DAPK1: variants seen among roughly 807,000 people sequenced by gnomAD.
The protein encoded by DAPK1 is death-associated protein kinase 1.
A neutral mutation model predicts 144.9 loss-of-function variants in DAPK1; 56 were observed. The ratio of observed to expected loss-of-function variants is 0.39; its 90% CI spans 0.31 to 0.48. DAPK1 has a LOEUF of 0.48. DAPK1 is among the 20% of genes least tolerant of loss of function. The pLI, the probability that DAPK1 is intolerant of heterozygous loss-of-function variation, is 0.95. For missense variants in DAPK1, 1,454 were observed against 1,875.4 expected, an observed-to-expected ratio of 0.78 and a Z score of 4.15; for synonymous variants, 690 against 749.0, an observed-to-expected ratio of 0.92 and a Z score of 1.29.
rs547945641 is a variant in DAPK1 at position 87,658,110 on chromosome 9, G to C, written c.1906G>C (p.Val636Leu). Residue 636 changes from valine to leucine, a missense_variant, in exon 18 of 26, where the codon GTT becomes CTT. Val to Leu is a conservative substitution (Grantham distance 32, BLOSUM62 1). Around this residue, in one of 2 missense-constraint regions of DAPK1, gnomAD observed 1,025 missense variants for 1,237.9 expected, o/e 0.83. Transcript: ENST00000408954. ...GTATCTCTGTCTGATGGGAGCCAGC[G>C]TTGAGGCGCTGACCACGGTGAGTGC... ...VRYLCLMGASVEALTTDGKTA... is the reference protein window; with the variant it reads ...VRYLCLMGASLEALTTDGKTA... 1 of 1,463,092 alleles carries C rather than the reference G, an allele frequency of 6.8e-7. No homozygotes were observed. The highest frequency in any genetic ancestry group is 1.1e-5 in the South Asian group (1 of 87,184). 90.6% of individuals were successfully genotyped at this position (1,463,092 alleles called of 1,614,324 possible). A position where few individuals can be genotyped will look rare whatever the true frequency, so the allele number is the denominator to read the frequency against.
chr9:87,583,767 T>C (rs1488622016), intron 2 of DAPK1, among the ~76,000 whole-genome samples: 3 of 152,230 alleles, frequency 2.0e-5, no homozygotes, highest in African/African-American at 7.2e-5. Flanking sequence ...TCCTTGCCAC[T>C]GACTAGTCCA....
At chr9:87,601,829 C>G (rs1024172519) in intron 2 of DAPK1, among the ~76,000 whole-genome samples, 1 of 152,134 alleles carries the variant, frequency 6.6e-6, no homozygotes, top group East Asian at 1.9e-4. Flanking sequence ...GGCTTCTAGC[C>G]GTTACACAAT....
intron 2 of DAPK1, among the ~76,000 whole-genome samples, chr9:87,504,561 A>G (rs1478095515): frequency 6.6e-6 from 1 of 152,190 alleles, no homozygotes; most frequent in Non-Finnish European, 1.5e-5. Flanking sequence ...CTCCCCGGCC[A>G]ATGAGGAAAC....
intron 2 of DAPK1, among the ~76,000 whole-genome samples, chr9:87,521,305 C>A (rs931350465): frequency 6.6e-6 from 1 of 152,220 alleles, no homozygotes; most frequent in Non-Finnish European, 1.5e-5. Context: ...GAGCACATCA[C>A]TAGCTCCATT....
At chr9:87,569,836 C>T (rs190789836) in intron 2 of DAPK1, among the ~76,000 whole-genome samples, 1 of 152,310 alleles carries the variant, frequency 6.6e-6, no homozygotes, top group East Asian at 1.9e-4. Flanking sequence ...TATTTGTCCT[C>T]TTCCTTTATT....
chr9:87,540,183 C>CTTTTTTTTTTTT (rs33925780), intron 2 of DAPK1, among the ~76,000 whole-genome samples: 1 of 66,128 alleles, frequency 1.5e-5, no homozygotes, highest in African/African-American at 5.8e-5. Flanking sequence ...TTGTTAATCT[C>CTTTTTTTTTTTT]TTTTTTTTTT....
intron 20 of DAPK1, among the ~76,000 whole-genome samples, chr9:87,683,702 C>G (rs576245155): frequency 6.6e-6 from 1 of 152,292 alleles, no homozygotes; most frequent in South Asian, 2.1e-4. Flanking sequence ...GCAGCAGGTT[C>G]CTGGTGAAGG....
At chr9:87,578,379 T>A (rs1385072180) in intron 2 of DAPK1, among the ~76,000 whole-genome samples, 1 of 152,254 alleles carries the variant, frequency 6.6e-6, no homozygotes, top group East Asian at 1.9e-4. Context: ...AGATTTATCA[T>A]AATTAGCTCC....
intron 2 of DAPK1, among the ~76,000 whole-genome samples, chr9:87,595,751 C>A (rs532474756): frequency 6.6e-6 from 1 of 152,170 alleles, no homozygotes; most frequent in Non-Finnish European, 1.5e-5. Flanking sequence ...TGGCCCATTG[C>A]GCTGTTCGCC....
At chr9:87,593,752 A>AT (rs1357512858) in intron 2 of DAPK1, among the ~76,000 whole-genome samples, 1 of 151,804 alleles carries the variant, frequency 6.6e-6, no homozygotes, top group Admixed American at 6.6e-5. Flanking sequence ...TTCTTTGTCA[A>AT]TTTTTTTTCA....
chr9:87,576,469 G>A (rs569439646), intron 2 of DAPK1, among the ~76,000 whole-genome samples: 1 of 152,348 alleles, frequency 6.6e-6, no homozygotes, highest in East Asian at 1.9e-4. Context: ...AGGCTTGGGT[G>A]ACTGGTGAGC....
intron 2 of DAPK1, among the ~76,000 whole-genome samples, chr9:87,558,420 G>A (rs1826793607): frequency 6.6e-6 from 1 of 152,312 alleles, no homozygotes; most frequent in South Asian, 2.1e-4. Flanking sequence ...AAGGGATCTA[G>A]TCGAATAAGC....
At chr9:87,624,478 G>C (rs2119057912) in intron 3 of DAPK1, among the ~76,000 whole-genome samples, 1 of 152,318 alleles carries the variant, frequency 6.6e-6, no homozygotes, top group African/African-American at 2.4e-5. Context: ...GATTCTATTG[G>C]TCGAGCAGGC....
At chr9:87,539,721 T>C (rs1237890127) in intron 2 of DAPK1, among the ~76,000 whole-genome samples, 1 of 152,040 alleles carries the variant, frequency 6.6e-6, no homozygotes, top group East Asian at 1.9e-4. Flanking sequence ...CCCAGCCAAA[T>C]TTCACACCTT....
intron 3 of DAPK1, among the ~76,000 whole-genome samples, chr9:87,633,869 G>A (rs1829795596): frequency 6.6e-6 from 1 of 152,194 alleles, no homozygotes; most frequent in Non-Finnish European, 1.5e-5. Flanking sequence ...ACTCTGAGAT[G>A]GAGAAGAGTG....
At chr9:87,652,063 T>C (rs79027807) in intron 17 of DAPK1, among the ~76,000 whole-genome samples, 7 of 77,198 alleles carry the variant, frequency 9.1e-5, no homozygotes, top group East Asian at 4.1e-4. Flanking sequence ...GATTCTGTGT[T>C]CTCTCACCTG....
rs36228325 is a variant in DAPK1 at position 87,499,298 on chromosome 9, C to A, written c.62+159C>A. 343 of 676,036 alleles carry A rather than the reference C, an allele frequency of 5.1e-4. 3 individuals are homozygous for A. The East Asian group carries it at 8.9e-3, about 18-fold the overall frequency. 41.9% of individuals were successfully genotyped at this position (676,036 alleles called of 1,614,324 possible). A position where few individuals can be genotyped will look rare whatever the true frequency, so the allele number is the denominator to read the frequency against. The stretch of plus-strand genomic sequence containing the variant: ...AAAGAGTTACTAACCCAGCGGTAAA[C>A]CGCCTGATCCAAGGGCCTGGGGGTG... On this transcript the variant is annotated intron_variant, in intron 2 of 25. Transcript: ENST00000408954.
intron 2 of DAPK1, among the ~76,000 whole-genome samples, chr9:87,560,141 C>G (rs1052183811): frequency 6.7e-6 from 1 of 149,204 alleles, no homozygotes; most frequent in East Asian, 2.0e-4. Context: ...CAGGTGCATG[C>G]CACCACGCCT....
At chr9:87,631,962 GGATGAGTATATATGTAGAAATAAAGGAA>G (rs1829702657) in intron 3 of DAPK1, 1 of 570,976 alleles carries the variant, frequency 1.8e-6, no homozygotes, top group Admixed American at 6.3e-5. Flanking sequence ...GCACGAAGGA[GGATGAGTATATATGTAGAAATAAAGGAA>G]GATGAGTATA....
Sources: gnomAD v4.1 joint callset for allele counts (sites outside exome capture counted in the v4.1 genomes callset) on GRCh38, gnomAD v4.1.1 for gene constraint, gnomAD v4.1.1 regional missense constraint, MANE v1.5 for transcripts, NCBI Gene and HGNC (gene_info 2026-07-23, HGNC 2026-07-21) for gene names.